DLG5: variants seen among roughly 807,000 people sequenced by gnomAD.
DLG5 encodes the protein disks large homolog 5.
In DLG5, 48 loss-of-function variants were observed where a neutral mutation model predicts 189.8. The observed-to-expected ratio is 0.25, with a 90% CI of 0.20 to 0.32. DLG5 has a LOEUF of 0.32. Ranked by LOEUF, DLG5 falls within the 10% of genes least tolerant of loss-of-function variation. The probability of loss-of-function intolerance (pLI) is 1.00; values close to 1 mark genes in which losing one functional copy is unlikely to be tolerated. For missense variants in DLG5, 2,160 were observed against 2,544.7 expected, an observed-to-expected ratio of 0.85 and a Z score of 3.25; for synonymous variants, 1,016 against 1,054.1, an observed-to-expected ratio of 0.96 and a Z score of 0.70.
At chr10:77,822,194 C>A in intron 14 of DLG5, 93 bp from the exon 15 acceptor site, 1 of 1,404,408 alleles carries the variant, frequency 7.1e-7, no homozygotes, top group South Asian at 1.4e-5. Context: ...AAGCAATGGT[C>A]AGGAATGGGC....
intron 1 of DLG5, among the ~76,000 whole-genome samples, chr10:77,914,642 G>A (rs1846312576): frequency 6.6e-6 from 1 of 151,830 alleles, no homozygotes; most frequent in Admixed American, 6.6e-5. Flanking sequence ...ATGCCCCCTG[G>A]GTCATTCATC....
At chr10:77,935,690 C>A in the DLG5 span, among the ~76,000 whole-genome samples, 2 of 152,220 alleles carry the variant, frequency 1.3e-5, no homozygotes, top group Non-Finnish European at 2.9e-5. Context: ...CATGCACTCA[C>A]ATTGACAAGA....
intron 2 of DLG5, among the ~76,000 whole-genome samples, chr10:77,861,521 T>TACA (rs1844470027): frequency 2.6e-5 from 4 of 152,192 alleles, no homozygotes; most frequent in Admixed American, 2.6e-4. Flanking sequence ...ACACCCCATC[T>TACA]CTGTCTCCAG....
intron 5 of DLG5, among the ~76,000 whole-genome samples, chr10:77,847,104 G>A (rs1403361541): frequency 6.6e-6 from 1 of 152,198 alleles, no homozygotes; most frequent in African/African-American, 2.4e-5. Flanking sequence ...GAATCAGGCT[G>A]CCAGCAAGGG....
At chr10:77,898,121 G>C (rs778301240) in intron 1 of DLG5, among the ~76,000 whole-genome samples, 1 of 152,212 alleles carries the variant, frequency 6.6e-6, no homozygotes, top group Non-Finnish European at 1.5e-5. Context: ...CCAGGAGCCA[G>C]AACAGCCTTC....
intron 13 of DLG5, among the ~76,000 whole-genome samples, chr10:77,825,373 A>ACC (rs1491418142): frequency 3.6e-5 from 2 of 55,946 alleles, no homozygotes; most frequent in East Asian, 5.0e-4. Flanking sequence ...ACCACACACA[A>ACC]CCACACACAC....
intron 29 of DLG5, among the ~76,000 whole-genome samples, chr10:77,795,679 G>A (rs921054461): frequency 6.6e-6 from 1 of 152,058 alleles, no homozygotes; most frequent in Non-Finnish European, 1.5e-5. Context: ...CTGAGGGAAG[G>A]CACGTTCCTG....
intron 5 of DLG5, among the ~76,000 whole-genome samples, chr10:77,852,244 G>A (rs1359825770): frequency 6.6e-6 from 1 of 151,984 alleles, no homozygotes; most frequent in East Asian, 2.0e-4. Context: ...GGTGGCATGT[G>A]CCTGTAGTCC....
chr10:77,891,904 AG>A (rs1845620749), intron 1 of DLG5, among the ~76,000 whole-genome samples: 1 of 152,206 alleles, frequency 6.6e-6, no homozygotes, highest in Admixed American at 6.5e-5. Context: ...AGGCCCAGAA[AG>A]GGGGAACCCT....
chr10:77,880,723 G>A (rs1564572152), intron 1 of DLG5, among the ~76,000 whole-genome samples: 1 of 152,126 alleles, frequency 6.6e-6, no homozygotes, highest in Non-Finnish European at 1.5e-5. Context: ...TCATGTTTTT[G>A]TTGTTACACT....
chr10:77,906,369 C>T lies in DLG5; in HGVS notation c.304+19848G>A, dbSNP rs559623983. ...GGATTCTTACCAAACCTGACTGAAC[C>T]GTACCTGCTAAGGGAATGGCAGGAA... On this transcript the variant is annotated intron_variant, in intron 1 of 31. Transcript: ENST00000372391. Among the ~76,000 whole-genome samples the T allele has an allele frequency of 7.9e-5, 12 of 152,330 alleles. No individual in the cohort carries two copies. The South Asian group carries it at 8.3e-4, about 11-fold the overall frequency.
upstream of DLG5, chr10:77,929,281 A>C (rs1018366149): frequency 7.2e-5 from 11 of 152,184 alleles, no homozygotes; most frequent in Non-Finnish European, 1.3e-4. Context: ...GGCTCAAGTT[A>C]TCCTCCCGCC....
intron 3 of DLG5, 50 bp from the exon 4 acceptor site, chr10:77,854,420 C>G: frequency 6.2e-7 from 1 of 1,605,458 alleles, no homozygotes; most frequent in Non-Finnish European, 8.5e-7. Flanking sequence ...AGGATTCACA[C>G]GGATAGAGGA....
Position 77,896,890 on chromosome 10 carries a change from C to T in DLG5, c.305-27693G>A, listed in dbSNP as rs559866642. Among the ~76,000 whole-genome samples the T allele has an allele frequency of 8.6e-5, 13 of 151,824 alleles. No individual in the cohort carries two copies. The East Asian group carries it at 1.9e-3, about 23-fold the overall frequency. ...CGGTGACGACTAAACAAGTGTTTAT[C>T]GTACTTTCCCTTCCATTCTTTGATG... On this transcript the variant is annotated intron_variant, in intron 1 of 31. Transcript: ENST00000372391.
At chr10:77,868,694 G>C (rs1844784666) in intron 2 of DLG5, 2 of 231,586 alleles carry the variant, frequency 8.6e-6, no homozygotes, top group South Asian at 1.1e-4. Context: ...TCAGAGAAGG[G>C]CTGGCCTCAT....
chr10:77,915,261 A>G (rs1846326625), intron 1 of DLG5, among the ~76,000 whole-genome samples: 1 of 151,956 alleles, frequency 6.6e-6, no homozygotes, highest in Non-Finnish European at 1.5e-5. Context: ...CGGGGGACGA[A>G]GGTTGCAGTG....
chr10:77,899,041 G>A (rs1845847598), intron 1 of DLG5, among the ~76,000 whole-genome samples: 1 of 152,200 alleles, frequency 6.6e-6, no homozygotes. Flanking sequence ...TCTGAAGATG[G>A]CTTTCCTCTG....
chr10:77,857,004 T>TC, intron 2 of DLG5, 112 bp from the exon 3 acceptor site: 1 of 991,202 alleles, frequency 1.0e-6, no homozygotes, highest in Admixed American at 2.5e-5. Flanking sequence ...AACAAGTGGG[T>TC]CCTCTTAGCA....
At chr10:77,852,158 G>A (rs1844008674) in intron 5 of DLG5, among the ~76,000 whole-genome samples, 1 of 152,050 alleles carries the variant, frequency 6.6e-6, no homozygotes, top group Non-Finnish European at 1.5e-5. Flanking sequence ...GGATCATGAG[G>A]TCAGGAGATC....
Sources: gnomAD v4.1 joint callset for allele counts (sites outside exome capture counted in the v4.1 genomes callset) on GRCh38, gnomAD v4.1.1 for gene constraint, MANE v1.5 for transcripts, NCBI Gene and HGNC (gene_info 2026-07-23, HGNC 2026-07-21) for gene names.